COL11A2: variants seen among roughly 807,000 people sequenced by gnomAD.
COL11A2 encodes the protein collagen type XI alpha 2 chain, also known as collagen alpha-2(XI) chain.
COL11A2 carries 116 observed loss-of-function variants against 273.4 expected under a neutral mutation model. That is an observed-to-expected ratio of 0.42 (90% CI 0.36 to 0.49). The LOEUF is 0.49. Ranked by LOEUF, COL11A2 falls within the 20% of genes least tolerant of loss-of-function variation. The pLI, the probability that COL11A2 is intolerant of heterozygous loss-of-function variation, is 0.00. For missense variants in COL11A2, 1,866 were observed against 2,309.0 expected, an observed-to-expected ratio of 0.81 and a Z score of 3.93; for synonymous variants, 782 against 864.2, an observed-to-expected ratio of 0.90 and a Z score of 1.67.
chr6:33,182,887 AC>A (rs1338758669), intron 8 of COL11A2, among the ~76,000 whole-genome samples: 2 of 151,700 alleles, frequency 1.3e-5, no homozygotes, highest in Non-Finnish European at 2.9e-5. Context: ...ATTCACCACC[AC>A]CCCAACTCCC....
At chr6:33,193,260 G>A (rs1412817080), upstream of COL11A2, among the ~76,000 whole-genome samples, 3 of 151,890 alleles carry the variant, frequency 2.0e-5, no homozygotes, top group Admixed American at 6.6e-5. Flanking sequence ...ACGGCGCCGG[G>A]TCTGCCCGGA....
rs371874142 is a variant in COL11A2, at chr6:33,164,195, A to C, written c.5070+72T>G. The C allele has an allele frequency of 5.8e-6, 9 of 1,557,496 alleles. No individual in the cohort carries two copies. The highest frequency in any genetic ancestry group is 3.5e-5 in the Admixed American group (2 of 57,306). ...CTGCTCCCCCTGGGTGCCCTGCCCAAGGGGTCTTCCCACCTCCTTCCTCCA... is the reference window on the plus strand; with the variant it reads ...CTGCTCCCCCTGGGTGCCCTGCCCACGGGGTCTTCCCACCTCCTTCCTCCA... On this transcript the variant is annotated intron_variant, in intron 65 of 65. Coordinates refer to ENST00000341947, the MANE Select transcript of COL11A2 (RefSeq NM_080680.3). This position sits in a 1 kb window ranked among gnomAD's most constrained non-coding sequence, Gnocchi z 4.7.
chr6:33,177,564 A>G lies in COL11A2; in HGVS notation c.1917+98T>C. Reference sequence around the variant, plus strand: ...CAGCAGCGATAGCCAAGAAGGCAAGAGCAGGAAGCAGGCAGGGGTCAAAAT... The same window carrying G: ...CAGCAGCGATAGCCAAGAAGGCAAGGGCAGGAAGCAGGCAGGGGTCAAAAT... On this transcript the variant is annotated intron_variant, in intron 22 of 65. Transcript: ENST00000341947. The surrounding 1 kb of genome is among the most constrained non-coding windows in gnomAD (Gnocchi z 5.9). 4 of 1,584,798 alleles carry G rather than the reference A, an allele frequency of 2.5e-6. No homozygotes were observed. The African/African-American group carries it at 5.4e-5, about 21-fold the overall frequency.
Position 33,170,498 on chromosome 6 carries a change from G to A in COL11A2, c.3528+59C>T, listed in dbSNP as rs1657315556. The A allele has an allele frequency of 6.9e-6, 11 of 1,588,870 alleles. No homozygotes were observed. Among genetic ancestry groups the A allele is most frequent in the African/African-American group, 1.3e-5 (1 of 74,162 alleles). Reference sequence around the variant, plus strand: ...GTTGGCAGTGGGGTGTGGGGTGGGGGCTGGCCAGGGAGGGGGGTGACTAGT... The same window carrying A: ...GTTGGCAGTGGGGTGTGGGGTGGGGACTGGCCAGGGAGGGGGGTGACTAGT... On this transcript the variant is annotated intron_variant, in intron 47 of 65. Coordinates refer to ENST00000341947, the MANE Select transcript of COL11A2 (RefSeq NM_080680.3). The surrounding 1 kb of genome is among the most constrained non-coding windows in gnomAD (Gnocchi z 4.3).
At chr6:33,187,750 A>T (rs1772607897) in intron 4 of COL11A2, among the ~76,000 whole-genome samples, 1 of 146,794 alleles carries the variant, frequency 6.8e-6, no homozygotes, top group South Asian at 2.2e-4. Flanking sequence ...TGGGTGAGTG[A>T]GTATATTGAA....
chr6:33,189,388 G>T lies in COL11A2; in HGVS notation c.164C>A (p.Pro55Gln). ...DGVRRAKGICPADVAYRVARP... is the reference protein window; with the variant it reads ...DGVRRAKGICQADVAYRVARP... ...TGCCACTCGGTAGGCCACATCAGCTGGACAGATGCCTTTCGCTCTCCGGAC... is the reference window on the plus strand; with the variant it reads ...TGCCACTCGGTAGGCCACATCAGCTTGACAGATGCCTTTCGCTCTCCGGAC... The change falls in exon 2 of 66, where the codon CCA becomes CAA. Residue 55 changes from proline to glutamine, a missense_variant. Physicochemically the swap from Pro to Gln is moderately conservative, Grantham distance 76. Coordinates refer to ENST00000341947, the MANE Select transcript of COL11A2 (RefSeq NM_080680.3). The surrounding 1 kb of genome is among the most constrained non-coding windows in gnomAD (Gnocchi z 5.6). 1 of 1,613,214 alleles carries T rather than the reference G, an allele frequency of 6.2e-7. No individual in the cohort carries two copies. Among genetic ancestry groups the T allele is most frequent in the Non-Finnish European group, 8.5e-7 (1 of 1,180,028 alleles).
rs727504458 is a variant in COL11A2 at position 33,165,594 on chromosome 6, G to A, written c.4705C>T (p.Arg1569Cys). The A allele has an allele frequency of 1.6e-5, 26 of 1,613,326 alleles. No homozygotes were observed. The highest frequency in any genetic ancestry group is 1.3e-4 in the African/African-American group (10 of 74,874). The part of the protein sequence containing the change: ...RPTGTQDSPA[R>C]TCQDLKLCHP... ...CACAGCTTCAGGTCCTGGCAGGTGC[G>A]AGCAGGGCTGTCCTGGGTCCCTGTT... The change falls in exon 63 of 66, where the codon CGC becomes TGC. Residue 1569 changes from arginine (R) to cysteine (C), a missense_variant. Transcript: ENST00000341947. This position sits in a 1 kb window ranked among gnomAD's most constrained non-coding sequence, Gnocchi z 7.7.
intron 8 of COL11A2, among the ~76,000 whole-genome samples, chr6:33,182,520 T>G (rs1771861484): frequency 6.6e-6 from 1 of 151,864 alleles, no homozygotes; most frequent in Admixed American, 6.6e-5. Flanking sequence ...GAGACCAGCC[T>G]GGCCAACATG....
rs767160844 is a variant in COL11A2, at chr6:33,163,759, C to A, written c.5130G>T (p.Val1710=). 6.2e-7 allele frequency: 1 copy of A among 1,612,994 alleles called. No individual in the cohort carries two copies. Among genetic ancestry groups the A allele is most frequent in the Non-Finnish European group, 8.5e-7 (1 of 1,180,028 alleles). ...CCAGGTCTGAGAAGGAGGCATCCAG[C>A]ACTGGCAGCTGCTCCAGCACAGGCG... ...VRTPVLEQLP[V]LDASFSDLGA... is the part of the protein sequence containing the mutation. The change falls in exon 66 of 66, where the codon GTG becomes GTT. Residue 1710 remains valine (V), a synonymous_variant. Coordinates refer to ENST00000341947, the MANE Select transcript of COL11A2 (RefSeq NM_080680.3). This position sits in a 1 kb window ranked among gnomAD's most constrained non-coding sequence, Gnocchi z 4.1.
intron 40 of COL11A2, 44 bp downstream of exon 40, chr6:33,172,245 T>TAG: frequency 6.3e-7 from 1 of 1,582,128 alleles, no homozygotes; most frequent in Non-Finnish European, 8.6e-7. Flanking sequence ...GGACTCAGGA[T>TAG]GCTTGGTGCT....
intron 8 of COL11A2, among the ~76,000 whole-genome samples, chr6:33,181,977 A>T (rs1771793554): frequency 6.6e-6 from 1 of 152,222 alleles, no homozygotes; most frequent in African/African-American, 2.4e-5. Context: ...CCCACATGAG[A>T]ACCTGATAAA....
rs1769951865 is a variant in COL11A2 at position 33,170,925 on chromosome 6, G to A, written c.3367-8C>T. The A allele has an allele frequency of 1.2e-6, 2 of 1,611,760 alleles. No homozygotes were observed. ...GGGCTCCCCATCTGCTCCCTGCAGG[G>A]TTGAGGGAAAGCAGAGACAAGGACA... On this transcript the variant is annotated splice_polypyrimidine_tract_variant and splice_region_variant and intron_variant, in intron 45 of 65. Coordinates refer to ENST00000341947, the MANE Select transcript of COL11A2 (RefSeq NM_080680.3). The surrounding 1 kb of genome is among the most constrained non-coding windows in gnomAD (Gnocchi z 4.3).
In COL11A2 at chr6:33,179,300, GA is replaced by G. The variant is rs1217863760; in HGVS notation, c.1504-17del. The G allele has an allele frequency of 6.2e-7, 1 of 1,607,570 alleles. No individual in the cohort carries two copies. Among genetic ancestry groups the G allele is most frequent in the Admixed American group, 1.7e-5 (1 of 58,786 alleles). On this transcript the variant is annotated splice_polypyrimidine_tract_variant and intron_variant, in intron 14 of 65. Coordinates refer to ENST00000341947, the MANE Select transcript of COL11A2 (RefSeq NM_080680.3). This position sits in a 1 kb window ranked among gnomAD's most constrained non-coding sequence, Gnocchi z 6.4. ...CAGGTTGGCCCTGGGAGAGAGAAGA[GA>G]GGATGGCCGTAAGGAAGGACACAGC...
rs757351701 is a variant in COL11A2, at chr6:33,179,501, G to A, written c.1447-14C>T. 14 of 1,555,514 alleles carry A rather than the reference G, an allele frequency of 9.0e-6. No homozygotes were observed. Among genetic ancestry groups the A allele is most frequent in the Non-Finnish European group, 1.2e-5 (14 of 1,148,770 alleles). On this transcript the variant is annotated splice_polypyrimidine_tract_variant and intron_variant, in intron 13 of 65. Coordinates refer to ENST00000341947, the MANE Select transcript of COL11A2 (RefSeq NM_080680.3). The surrounding 1 kb of genome is among the most constrained non-coding windows in gnomAD (Gnocchi z 6.4). ...ACGGAGCGCCAGCTAGGGGAGCAGG[G>A]GGACAGCAGAGCTGAGGGACAGGCA...
rs1172330590 is a variant in COL11A2 at position 33,184,243 on chromosome 6, CA to C, written c.1020del (p.Glu341LysfsTer41). 1.5e-6 allele frequency: 2 copies of C among 1,367,548 alleles called. No homozygotes were observed. Among genetic ancestry groups the C allele is most frequent in the Non-Finnish European group, 2.0e-6 (2 of 1,022,000 alleles). 84.7% of individuals were successfully genotyped at this position (1,367,548 alleles called of 1,614,324 possible). ...EEYGEGGTDPPEGPYDYTYGY... is the reference protein window; with the variant it reads ...EEYGEGGTDPXEGPYDYTYGY... The stretch of plus-strand genomic sequence containing the variant: ...CCATAGGTGTAATCGTAGGGCCCTT[CA>C]GGGGGGTCTGTGCCACCCTCCCCAT... On this transcript the variant is annotated frameshift_variant, in exon 8 of 66. Transcript: ENST00000341947. LOFTEE classifies it high-confidence loss of function.
In COL11A2 at chr6:33,180,338, G is replaced by A. The variant is rs759654570; in HGVS notation, c.1285-6C>T. 2 of 1,610,726 alleles carry A rather than the reference G, an allele frequency of 1.2e-6. No individual in the cohort carries two copies. Among genetic ancestry groups the A allele is most frequent in the Non-Finnish European group, 1.7e-6 (2 of 1,179,084 alleles). ...CCTGCTCGGCCAGGGGGGCCCTGGA[G>A]TGGGAAGAGAATGCAAAAGATGGGG... On this transcript the variant is annotated splice_polypyrimidine_tract_variant and splice_region_variant and intron_variant, in intron 11 of 65. Transcript: ENST00000341947.
rs747194961 is a variant in COL11A2 at position 33,169,375 on chromosome 6, A to G, written c.3798+8T>C. ...GAGAGGACTCAGCCCCCACTGCCCC[A>G]AACTCACAGGGTTCCCTTTGGGGCC... On this transcript the variant is annotated splice_region_variant and intron_variant, in intron 51 of 65. Coordinates refer to ENST00000341947, the MANE Select transcript of COL11A2 (RefSeq NM_080680.3). The surrounding 1 kb of genome is among the most constrained non-coding windows in gnomAD (Gnocchi z 5.5). The G allele has an allele frequency of 2.5e-6, 4 of 1,611,978 alleles. No homozygotes were observed. The East Asian group carries it at 8.9e-5, about 36-fold the overall frequency.
chr6:33,188,627 G>C (rs973037685), intron 3 of COL11A2, 103 bp from the exon 4 acceptor site: 3 of 1,326,388 alleles, frequency 2.3e-6, no homozygotes, highest in East Asian at 2.3e-5. Context: ...ATGGTGATAA[G>C]AGCAGTAATA....
intron 7 of COL11A2, among the ~76,000 whole-genome samples, 195 bp downstream of exon 7, chr6:33,184,797 G>A (rs1772159398): frequency 1.3e-5 from 2 of 152,232 alleles, no homozygotes; most frequent in African/African-American, 4.8e-5. Context: ...GGATACTGAA[G>A]GGAACGGGCT....
Sources: allele counts gnomAD v4.1 joint callset (sites outside exome capture counted in the v4.1 genomes callset), GRCh38; gene constraint gnomAD v4.1.1; non-coding constraint Gnocchi (gnomAD v3.1); transcripts MANE v1.5; gene names NCBI Gene and HGNC (gene_info 2026-07-23, HGNC 2026-07-21).